Variants in SLIT3 observed in about 807,000 individuals in gnomAD.
SLIT3 encodes slit guidance ligand 3, also known as slit homolog 3 protein.
SLIT3 carries 68 observed loss-of-function variants against 184.0 expected under a neutral mutation model. The observed-to-expected ratio is 0.37, with a 90% CI of 0.30 to 0.45. The LOEUF (loss-of-function observed/expected upper bound fraction) is 0.45, where lower values mean the gene tolerates loss of function less well. Ranked by LOEUF, SLIT3 falls within the 20% of genes least tolerant of loss-of-function variation. SLIT3 has a pLI of 1.00. For missense variants in SLIT3, 1,707 were observed against 2,026.0 expected (o/e 0.84, Z 3.02); for synonymous variants, 831 against 828.6 (o/e 1.00, Z -0.05).
intron 12 of SLIT3, 128 bp downstream of exon 12, chr5:168,785,779 G>C: frequency 1.4e-6 from 1 of 692,102 alleles, no homozygotes; most frequent in East Asian, 2.6e-5. Flanking sequence ...AGCGTGGACA[G>C]CTCAAACATT....
intron 5 of SLIT3, among the ~76,000 whole-genome samples, chr5:168,846,133 C>A (rs114242753): frequency 6.6e-6 from 1 of 152,138 alleles, no homozygotes; most frequent in Non-Finnish European, 1.5e-5. Flanking sequence ...AGAGTGATAC[C>A]GTGCATTACA....
At chr5:168,737,142 C>T (rs886872345) in intron 20 of SLIT3, among the ~76,000 whole-genome samples, 1 of 152,130 alleles carries the variant, frequency 6.6e-6, no homozygotes, top group Non-Finnish European at 1.5e-5. Context: ...CTTCCCAGAG[C>T]ACATATTGCC....
At chr5:169,123,450 T>C (rs1760959191) in intron 4 of SLIT3, among the ~76,000 whole-genome samples, 1 of 152,190 alleles carries the variant, frequency 6.6e-6, no homozygotes, top group African/African-American at 2.4e-5. Context: ...AAAATTCAAC[T>C]TGTTTGTGCT....
intron 20 of SLIT3, among the ~76,000 whole-genome samples, chr5:168,727,542 AG>A (rs1763169574): frequency 6.6e-6 from 1 of 152,182 alleles, no homozygotes; most frequent in Non-Finnish European, 1.5e-5. Context: ...AGTGGGAGAC[AG>A]GGTAGATCAC....
At chr5:168,980,435 T>G (rs1297758301) in intron 4 of SLIT3, among the ~76,000 whole-genome samples, 3 of 152,232 alleles carry the variant, frequency 2.0e-5, no homozygotes, top group Non-Finnish European at 4.4e-5. Context: ...TGCTTTTACT[T>G]TCATCCTTTT....
At chr5:168,972,280 G>A (rs1754600536) in intron 4 of SLIT3, among the ~76,000 whole-genome samples, 1 of 150,198 alleles carries the variant, frequency 6.7e-6, no homozygotes, top group Non-Finnish European at 1.5e-5. Context: ...CGACCTTGAG[G>A]GATCAGGTAA....
At chr5:168,785,834 A>T in intron 12 of SLIT3, 73 bp downstream of exon 12, 1 of 1,100,916 alleles carries the variant, frequency 9.1e-7, no homozygotes, top group Admixed American at 1.7e-5. Flanking sequence ...TCTCCAGAGC[A>T]TGGCTCAACG....
chr5:169,111,135 C>T (rs1050800320), intron 4 of SLIT3, among the ~76,000 whole-genome samples: 6 of 152,184 alleles, frequency 3.9e-5, no homozygotes, highest in African/African-American at 1.4e-4. Context: ...TTCATGTCCT[C>T]TCTACCTTTC....
intron 4 of SLIT3, among the ~76,000 whole-genome samples, chr5:169,033,198 A>G (rs544548394): frequency 1.3e-5 from 2 of 152,068 alleles, no homozygotes; most frequent in South Asian, 4.2e-4. Context: ...TATACTTGAA[A>G]CAATGCAATC....
At chr5:169,086,928 G>A (rs1759324991) in intron 4 of SLIT3, among the ~76,000 whole-genome samples, 1 of 152,184 alleles carries the variant, frequency 6.6e-6, no homozygotes, top group Admixed American at 6.5e-5. Context: ...ATGCAAGTTT[G>A]GAGAAGCTAA....
At chr5:169,252,003 A>T (rs1162486517) in intron 1 of SLIT3, among the ~76,000 whole-genome samples, 1 of 152,238 alleles carries the variant, frequency 6.6e-6, no homozygotes, top group Non-Finnish European at 1.5e-5. Context: ...TCATGCCTGA[A>T]GCCAGATACC....
At position 169,177,357 on chromosome 5, in the gene SLIT3, C is replaced by G. The variant is rs1293451688; in HGVS notation, c.413+16122G>C. Among the ~76,000 whole-genome samples, 3 of 152,208 alleles carry G rather than the reference C, an allele frequency of 2.0e-5. No individual in the cohort carries two copies. The East Asian group carries it at 5.8e-4, about 29-fold the overall frequency. On this transcript the variant is annotated intron_variant, in intron 4 of 35. Coordinates refer to ENST00000519560, the MANE Select transcript of SLIT3 (RefSeq NM_003062.4). ...AGATTTAGTGCTAAGTGAACTAGGA[C>G]CAAAGCAGCATCCCATGGAGGAATC... is the stretch of plus-strand genomic sequence containing the variant.
At chr5:168,965,193 G>A (rs181712239) in intron 4 of SLIT3, among the ~76,000 whole-genome samples, 252 of 152,290 alleles carry the variant, frequency 1.7e-3, no homozygotes, top group Non-Finnish European at 2.9e-3. Context: ...ACTGTACTAT[G>A]AAAGAGAAAA....
At chr5:168,691,620 G>A (rs1394873905) in intron 29 of SLIT3, among the ~76,000 whole-genome samples, 3 of 152,192 alleles carry the variant, frequency 2.0e-5, no homozygotes, top group Non-Finnish European at 2.9e-5. Flanking sequence ...GCTCTGTAAG[G>A]TCATTTATGG....
At chr5:168,983,225 A>G (rs1452760351) in intron 4 of SLIT3, among the ~76,000 whole-genome samples, 11 of 152,188 alleles carry the variant, frequency 7.2e-5, no homozygotes, top group Admixed American at 6.5e-4. Context: ...GGATCAAAAC[A>G]TCACTTTCTA....
chr5:169,088,844 A>G (rs938154707), intron 4 of SLIT3, among the ~76,000 whole-genome samples: 5 of 151,294 alleles, frequency 3.3e-5, no homozygotes, highest in Non-Finnish European at 5.9e-5. Context: ...ACATGGCAAA[A>G]CCCTGTCTCT....
In SLIT3 at chr5:168,850,510, G is replaced by A. The variant is rs370280757; in HGVS notation, c.486-5855C>T. The stretch of plus-strand genomic sequence containing the variant: ...GGTAAAGCAATTGTTGACCTCTGAC[G>A]TTTAATGTGGTATAGCCAGTTACAT... On this transcript the variant is annotated intron_variant, in intron 5 of 35. Coordinates refer to ENST00000519560, the MANE Select transcript of SLIT3 (RefSeq NM_003062.4). Among the ~76,000 whole-genome samples, 23 of 152,256 alleles carry A rather than the reference G, an allele frequency of 1.5e-4. No homozygotes were observed. The South Asian group carries it at 4.1e-3, about 27-fold the overall frequency.
chr5:168,990,724 G>C (rs1002376131), intron 4 of SLIT3, among the ~76,000 whole-genome samples: 14 of 152,122 alleles, frequency 9.2e-5, no homozygotes, highest in African/African-American at 3.4e-4. Flanking sequence ...GCAGGTACAG[G>C]GACCTCAGGC....
chr5:169,184,152 C>G (rs1464062866), intron 4 of SLIT3, among the ~76,000 whole-genome samples: 1 of 152,160 alleles, frequency 6.6e-6, no homozygotes, highest in African/African-American at 2.4e-5. Context: ...GTATTAATAT[C>G]CTAGATCTCA....
Sources: gnomAD v4.1 joint callset for allele counts (sites outside exome capture counted in the v4.1 genomes callset) on GRCh38, gnomAD v4.1.1 for gene constraint, MANE v1.5 for transcripts, NCBI Gene and HGNC (gene_info 2026-07-23, HGNC 2026-07-21) for gene names.